Variants in ADAMTS12 observed in about 807,000 individuals in gnomAD.
ADAMTS12 encodes the protein ADAM metallopeptidase with thrombospondin type 1 motif 12.
ADAMTS12 carries 118 observed loss-of-function variants against 167.8 expected under a neutral mutation model. That is an observed-to-expected ratio of 0.70 (90% CI 0.61 to 0.82). The LOEUF is 0.82. ADAMTS12 is among the 40% of genes least tolerant of loss of function. The pLI, the probability that ADAMTS12 is intolerant of heterozygous loss-of-function variation, is 0.00. For missense variants in ADAMTS12, 1,916 were observed against 1,998.8 expected, an observed-to-expected ratio of 0.96 and a Z score of 0.79; for synonymous variants, 704 against 716.9, an observed-to-expected ratio of 0.98 and a Z score of 0.29.
intron 3 of ADAMTS12, among the ~76,000 whole-genome samples, chr5:33,695,435 T>C (rs1028896678): frequency 6.6e-6 from 1 of 152,238 alleles, no homozygotes; most frequent in African/African-American, 2.4e-5. Flanking sequence ...TAGAGATTTA[T>C]TTTAAAGAGT....
chr5:33,725,267 C>G (rs773384109), intron 3 of ADAMTS12, among the ~76,000 whole-genome samples: 4 of 152,182 alleles, frequency 2.6e-5, no homozygotes, highest in African/African-American at 4.8e-5. Flanking sequence ...GAATTCCAAT[C>G]CCGATTTCCT....
At chr5:33,686,039 T>C (rs1313797679) in intron 3 of ADAMTS12, among the ~76,000 whole-genome samples, 1 of 152,176 alleles carries the variant, frequency 6.6e-6, no homozygotes, top group Admixed American at 6.5e-5. Flanking sequence ...CCTGTCAACA[T>C]GGATTCGGTC....
chr5:33,742,583 C>T (rs1744630906), intron 3 of ADAMTS12, among the ~76,000 whole-genome samples: 1 of 152,218 alleles, frequency 6.6e-6, no homozygotes, highest in South Asian at 2.1e-4. Context: ...CAGCACCACA[C>T]TGTAAACATA....
At chr5:33,552,689 G>A (rs1745305105) in intron 20 of ADAMTS12, among the ~76,000 whole-genome samples, 1 of 152,174 alleles carries the variant, frequency 6.6e-6, no homozygotes. Flanking sequence ...TAGGTGTGTG[G>A]TCTTATTTCT....
intron 15 of ADAMTS12, among the ~76,000 whole-genome samples, chr5:33,615,287 C>T (rs1341692790): frequency 6.6e-6 from 1 of 152,208 alleles, no homozygotes; most frequent in African/African-American, 2.4e-5. Flanking sequence ...GTGGCTGGAT[C>T]TAACTCCTTG....
chr5:33,533,216 A>C (rs1448478296), intron 23 of ADAMTS12, among the ~76,000 whole-genome samples: 4 of 152,268 alleles, frequency 2.6e-5, no homozygotes, highest in African/African-American at 9.6e-5. Flanking sequence ...ATATAATTCA[A>C]AATAACAAGC....
intron 2 of ADAMTS12, among the ~76,000 whole-genome samples, chr5:33,872,523 G>A (rs199890154): frequency 6.6e-6 from 1 of 150,726 alleles, no homozygotes; most frequent in East Asian, 2.0e-4. Flanking sequence ...CTCCAGCTTG[G>A]GTGACAGAGT....
intron 3 of ADAMTS12, among the ~76,000 whole-genome samples, chr5:33,719,067 CA>C (rs1460499117): frequency 3.3e-5 from 5 of 152,260 alleles, no homozygotes; most frequent in African/African-American, 1.2e-4. Flanking sequence ...ATCTTCCTCA[CA>C]GCCCTGTGAG....
In ADAMTS12 at chr5:33,528,444, T is replaced by C. The variant is rs760757618; in HGVS notation, c.4607-1078A>G. ...ATTGAAATTGTAAAAAAGAAAAAAA[T>C]ACATGACTGTAGTTTTAAACCCGAG... On this transcript the variant is annotated intron_variant, in intron 23 of 23. Transcript: ENST00000504830. Among the ~76,000 whole-genome samples, 15 of 152,278 alleles carry C rather than the reference T, an allele frequency of 9.9e-5. No individual in the cohort carries two copies. The South Asian group carries it at 1.7e-3, about 17-fold the overall frequency.
chr5:33,768,148 A>G (rs1745611312), intron 2 of ADAMTS12, among the ~76,000 whole-genome samples: 1 of 152,238 alleles, frequency 6.6e-6, no homozygotes, highest in Non-Finnish European at 1.5e-5. Flanking sequence ...GCAAGAGGCC[A>G]TTCAGGAGGT....
At chr5:33,719,214 C>T (rs761873331) in intron 3 of ADAMTS12, among the ~76,000 whole-genome samples, 12 of 152,182 alleles carry the variant, frequency 7.9e-5, no homozygotes, top group Non-Finnish European at 1.8e-4. Flanking sequence ...CAGATATTTG[C>T]TGCAAAGTAT....
At chr5:33,545,222 A>G (rs1395727743) in intron 22 of ADAMTS12, among the ~76,000 whole-genome samples, 4 of 152,056 alleles carry the variant, frequency 2.6e-5, no homozygotes, top group Non-Finnish European at 5.9e-5. Context: ...ACAGTTCTCA[A>G]AAGAAGACAT....
intron 2 of ADAMTS12, among the ~76,000 whole-genome samples, chr5:33,826,765 A>C (rs910011390): frequency 4.6e-5 from 7 of 152,166 alleles, no homozygotes; most frequent in African/African-American, 1.7e-4. Context: ...AATAAGCACT[A>C]AAACAAGTAT....
At chr5:33,604,256 A>G (rs62351141) in intron 16 of ADAMTS12, among the ~76,000 whole-genome samples, 35,948 of 152,126 alleles carry the variant, frequency 0.24, 5,529 homozygotes, top group Non-Finnish European at 0.34. Flanking sequence ...AATCATCTGA[A>G]GGAGCAGGAA....
chr5:33,827,636 A>G (rs1748131132), intron 2 of ADAMTS12, among the ~76,000 whole-genome samples: 1 of 152,142 alleles, frequency 6.6e-6, no homozygotes, highest in African/African-American at 2.4e-5. Context: ...AAACATGTTA[A>G]TAAAAAAATA....
intron 3 of ADAMTS12, among the ~76,000 whole-genome samples, chr5:33,696,294 G>A (rs1009708782): frequency 2.6e-5 from 4 of 151,438 alleles, no homozygotes; most frequent in East Asian, 2.0e-4. Context: ...GGTGGCGGGC[G>A]CCTGTAGTCC....
chr5:33,551,981 C>T lies in ADAMTS12; in HGVS notation c.4126-2598G>A, dbSNP rs535611932. ...ATGTAAAGCCTGCGAACCAGACTGA[C>T]GACAAGAGGCAGGCTAATGAGAACA... On this transcript the variant is annotated intron_variant, in intron 20 of 23. Coordinates refer to ENST00000504830, the MANE Select transcript of ADAMTS12 (RefSeq NM_030955.4). Among the ~76,000 whole-genome samples the T allele has an allele frequency of 5.9e-5, 9 of 152,260 alleles. No individual in the cohort carries two copies. The South Asian group carries it at 8.3e-4, about 14-fold the overall frequency.
At chr5:33,705,939 A>G (rs1360763679) in intron 3 of ADAMTS12, among the ~76,000 whole-genome samples, 1 of 152,172 alleles carries the variant, frequency 6.6e-6, no homozygotes, top group South Asian at 2.1e-4. Context: ...AAAGACCTCT[A>G]CAAGAAACTA....
chr5:33,715,818 G>C (rs1432272038), intron 3 of ADAMTS12, among the ~76,000 whole-genome samples: 1 of 152,044 alleles, frequency 6.6e-6, no homozygotes, highest in Non-Finnish European at 1.5e-5. Context: ...CATGGGAGTA[G>C]GGCAAAAAGA....
Sources: gnomAD v4.1 joint callset for allele counts (sites outside exome capture counted in the v4.1 genomes callset) on GRCh38, gnomAD v4.1.1 for gene constraint, MANE v1.5 for transcripts, NCBI Gene and HGNC (gene_info 2026-07-23, HGNC 2026-07-21) for gene names.